Variants in GK observed in about 807,000 individuals in gnomAD.
GK encodes glycerol kinase, also known as ATP:glycerol 3-phosphotransferase.
In GK, 9 loss-of-function variants were observed where a neutral mutation model predicts 56.4. The observed-to-expected ratio is 0.16, with a 90% CI of 0.10 to 0.28. GK has a LOEUF of 0.28. Ranked by LOEUF, GK falls within the 10% of genes least tolerant of loss-of-function variation. The probability of loss-of-function intolerance (pLI) is 1.00; values close to 1 mark genes in which losing one functional copy is unlikely to be tolerated. For synonymous variants in GK, 104 were observed against 144.1 expected (o/e 0.72, Z 1.99); for missense variants, 161 against 431.4 (o/e 0.37, Z 5.55).
In GK at chrX:30,680,492, G is replaced by GCAGTGTAGTGTA. The variant is rs1934225571; in HGVS notation, c.337+3040_337+3041insCAGTGTAGTGTA. On this transcript the variant is annotated intron_variant, in intron 4 of 20. Coordinates refer to ENST00000427190, the MANE Select transcript of GK (RefSeq NM_001205019.2). ...GCAGTGTAGTGTAGACTTAAAACAC[G>GCAGTGTAGTGTA]GGGCAGCTTGAGGCAAAACAGATGA... 3.6e-5 allele frequency among the ~76,000 whole-genome samples: 4 copies of GCAGTGTAGTGTA among 111,894 alleles called. No individual in the cohort carries two copies. In the South Asian group the frequency reaches 1.5e-3, roughly 42 times the overall value.
chrX:30,708,436 T>G (rs2147237605), intron 13 of GK, among the ~76,000 whole-genome samples: 1 of 110,206 alleles, frequency 9.1e-6, no homozygotes, highest in South Asian at 3.9e-4. Flanking sequence ...TTAATCGGAT[T>G]AACGTGCTCT....
At chrX:30,696,757 AG>A (rs1466949025) in intron 8 of GK, 74 bp downstream of exon 8, 2 of 788,950 alleles carry the variant, frequency 2.5e-6, no homozygotes, top group African/African-American at 4.1e-5. Context: ...TAATAATTAA[AG>A]TTTTTTTATT....
Position 30,669,436 on chromosome X carries a change from C to G in GK, c.259+1318C>G, listed in dbSNP as rs1033212491. On this transcript the variant is annotated intron_variant, in intron 3 of 20. Coordinates refer to ENST00000427190, the MANE Select transcript of GK (RefSeq NM_001205019.2). ...TGACCTCGTGACCCGCCCGCCTCGGCCTCCCAAAGTGTTGGGATTACAGGC... is the reference window on the plus strand; with the variant it reads ...TGACCTCGTGACCCGCCCGCCTCGGGCTCCCAAAGTGTTGGGATTACAGGC... 5.4e-5 allele frequency among the ~76,000 whole-genome samples: 6 copies of G among 110,876 alleles called. No individual in the cohort carries two copies. In the Admixed American group the frequency reaches 5.8e-4, roughly 11 times the overall value.
intron 4 of GK, chrX:30,689,442 G>A: frequency 3.1e-6 from 1 of 322,561 alleles, no homozygotes. Context: ...GTTTAAAGCA[G>A]GGGGCAGTTC....
At chrX:30,678,936 G>A (rs1464083065) in intron 4 of GK, among the ~76,000 whole-genome samples, 3 of 103,602 alleles carry the variant, frequency 2.9e-5, no homozygotes, top group African/African-American at 1.1e-4. Context: ...CTGACCTCAA[G>A]TGATCCACCC....
chrX:30,671,458 C>G (rs1187150263), intron 3 of GK, among the ~76,000 whole-genome samples: 5 of 111,535 alleles, frequency 4.5e-5, no homozygotes, highest in Non-Finnish European at 7.5e-5. Flanking sequence ...GACCAGAGTT[C>G]TTTTTCCTGA....
At position 30,704,604 on chromosome X, in the gene GK, G is replaced by A. The variant is rs1234058846; in HGVS notation, c.852-2952G>A. 1.3e-4 allele frequency among the ~76,000 whole-genome samples: 14 copies of A among 106,366 alleles called. No individual in the cohort carries two copies. In the East Asian group the frequency reaches 2.4e-3, roughly 18 times the overall value. 92.4% of individuals were successfully genotyped at this position (106,366 alleles called of 115,157 possible). On this transcript the variant is annotated intron_variant, in intron 11 of 20. Coordinates refer to ENST00000427190, the MANE Select transcript of GK (RefSeq NM_001205019.2). ...TTTTTTTTTTTTGAGATGGAGTCTC[G>A]CTCTGTCACCAGGCTGGAGTGCAGT...
chrX:30,685,606 T>C (rs1934558484), intron 4 of GK, among the ~76,000 whole-genome samples: 1 of 112,478 alleles, frequency 8.9e-6, no homozygotes, highest in African/African-American at 3.2e-5. Flanking sequence ...AATACTGCTG[T>C]ATTTATTTTG....
chrX:30,668,234 T>C lies in GK; in HGVS notation c.259+116T>C, dbSNP rs766443045. ...CAGTGCCAAGCATTTCTATGAGAAC[T>C]TGAGGATACAACACTAAAGAGGAAG... is the stretch of plus-strand genomic sequence containing the variant. On this transcript the variant is annotated intron_variant, in intron 3 of 20. Coordinates refer to ENST00000427190, the MANE Select transcript of GK (RefSeq NM_001205019.2). The C allele has an allele frequency of 4.5e-4, 230 of 512,920 alleles. 1 individual carries two copies. The highest frequency in any genetic ancestry group is 7.3e-4 in the Non-Finnish European group (211 of 289,311). The allele number at this position is 512,920 out of a possible 1,213,427, so 42.3% of individuals were successfully genotyped here.
At chrX:30,678,852 AT>A (rs58342528) in intron 4 of GK, among the ~76,000 whole-genome samples, 2,041 of 77,133 alleles carry the variant, frequency 0.026, 54 homozygotes, top group African/African-American at 0.086. Flanking sequence ...ATGCCCAGCT[AT>A]TTTTTTTTTT....
intron 4 of GK, among the ~76,000 whole-genome samples, chrX:30,680,162 AT>A (rs1033097405): frequency 1.8e-5 from 2 of 110,633 alleles, no homozygotes; most frequent in East Asian, 2.8e-4. Flanking sequence ...AGGTTGACTC[AT>A]TTTTTTTTAT....
At position 30,700,323 on chromosome X, in the gene GK, A is replaced by G. The variant is rs1238713490; in HGVS notation, c.748-91A>G. 5.3e-6 allele frequency: 3 copies of G among 563,293 alleles called. No homozygotes were observed. The East Asian group carries it at 1.0e-4, about 20-fold the overall frequency. The allele number at this position is 563,293 out of a possible 1,213,427, so 46.4% of individuals were successfully genotyped here. ...GTCTTGTCTGCCCACATCCTCTGGC[A>G]CATTGCTACTTGTGTTCACTCTTGT... On this transcript the variant is annotated intron_variant, in intron 9 of 20. Transcript: ENST00000427190.
chrX:30,708,283 T>C (rs1569168084), intron 13 of GK, 149 bp downstream of exon 13: 1 of 426,192 alleles, frequency 2.3e-6, no homozygotes, highest in Non-Finnish European at 4.1e-6. Flanking sequence ...TGAAGGAACC[T>C]GAAACTGATC....
intron 4 of GK, among the ~76,000 whole-genome samples, chrX:30,688,607 C>A (rs753057415): frequency 1.7e-4 from 19 of 110,486 alleles, no homozygotes; most frequent in Non-Finnish European, 3.0e-4. Context: ...AGTACAGAGG[C>A]TCAGAGCTCA....
Position 30,724,502 on chromosome X carries a change from ATT to A in GK, c.1582+327_1582+328del, listed in dbSNP as rs1290719280. The A allele has an allele frequency of 1.6e-5, 4 of 249,222 alleles. No individual in the cohort carries two copies. In the Admixed American group the frequency reaches 2.5e-4, roughly 15 times the overall value. The allele number at this position is 249,222 out of a possible 1,213,427, so 20.5% of individuals were successfully genotyped here. On this transcript the variant is annotated intron_variant, in intron 19 of 20. Transcript: ENST00000427190. ...AAAAAAAAAATCAACTAGAGTCTTC[ATT>A]TTTTTCCCCTCTCCTCTTACTTTAC... is the stretch of plus-strand genomic sequence containing the variant.
chrX:30,720,934 C>T lies in GK; in HGVS notation c.1440C>T (p.Leu480=), dbSNP rs1409970684. The change falls in exon 18 of 21, where the codon CTC becomes CTT. Residue 480 remains leucine (L), a synonymous_variant. Transcript: ENST00000427190. ...GAAEGVGVWS[L]EPEDLSAVTM... ...CAGAAGGAGTCGGCGTATGGAGTCT[C>T]GAACCCGAGGATTTGTCTGCCGTCA... The T allele has an allele frequency of 8.3e-7, 1 of 1,208,861 alleles. No individual in the cohort carries two copies.
chrX:30,702,008 T>TTTTA (rs779728449), intron 11 of GK, among the ~76,000 whole-genome samples: 81 of 111,489 alleles, frequency 7.3e-4, no homozygotes, highest in Admixed American at 9.5e-4. Flanking sequence ...AAGGTAATCT[T>TTTTA]TTTATTTATT....
intron 1 of GK, among the ~76,000 whole-genome samples, chrX:30,654,713 G>C (rs1215333062): frequency 3.6e-5 from 4 of 111,108 alleles, no homozygotes; most frequent in Non-Finnish European, 7.5e-5. Flanking sequence ...ATCCAGCCTA[G>C]CCAACAGAGC....
chrX:30,664,041 A>G (rs1375995343), intron 1 of GK, among the ~76,000 whole-genome samples: 1 of 88,870 alleles, frequency 1.1e-5, no homozygotes, highest in Non-Finnish European at 2.1e-5. Flanking sequence ...TTATAGATAT[A>G]TATTTTATAT....
Sources: allele counts gnomAD v4.1 joint callset (sites outside exome capture counted in the v4.1 genomes callset), GRCh38; gene constraint gnomAD v4.1.1; transcripts MANE v1.5; gene names NCBI Gene and HGNC (gene_info 2026-07-23, HGNC 2026-07-21).